The following TG variants were observed in gnomAD, a reference collection of about 807,000 sequenced individuals.
The protein encoded by TG is thyroglobulin.
TG carries 270 observed loss-of-function variants against 324.7 expected under a neutral mutation model. The ratio of observed to expected loss-of-function variants is 0.83; its 90% CI spans 0.75 to 0.92. The LOEUF is 0.92. Ranked by LOEUF, TG falls within the 40% of genes least tolerant of loss-of-function variation. The pLI, the probability that TG is intolerant of heterozygous loss-of-function variation, is 0.00. For synonymous variants in TG, 1,401 were observed against 1,327.0 expected (o/e 1.06, Z -1.21); for missense variants, 3,591 against 3,456.4 (o/e 1.04, Z -0.98).
intron 43 of TG, chr8:133,102,571 G>A (rs1849405472): frequency 1.3e-6 from 2 of 1,551,470 alleles, no homozygotes; most frequent in Non-Finnish European, 1.7e-6. Context: ...CATCAGGGCT[G>A]CCTGAGATGT....
rs910570903 is a variant in TG, at chr8:133,014,468, A to G, written c.6562+704A>G. Among the ~76,000 whole-genome samples, 40 of 152,300 alleles carry G rather than the reference A, an allele frequency of 2.6e-4. No homozygotes were observed. The East Asian group carries it at 2.7e-3, about 10-fold the overall frequency. On this transcript the variant is annotated intron_variant, in intron 37 of 47. Transcript: ENST00000220616. ...GGGGGAATCCCCTCCCCCACTAGAC[A>G]TATTTATTGGATGAAATTGATGACT...
chr8:132,941,128 C>T (rs1455831243), intron 25 of TG, among the ~76,000 whole-genome samples: 1 of 152,182 alleles, frequency 6.6e-6, no homozygotes, highest in Non-Finnish European at 1.5e-5. Flanking sequence ...GGCATTTGTC[C>T]CGATCTCCTG....
intron 3 of TG, 22 bp downstream of exon 3, chr8:132,869,848 C>A: frequency 6.2e-7 from 1 of 1,607,354 alleles, no homozygotes; most frequent in South Asian, 1.1e-5. Flanking sequence ...TGGGGGACGT[C>A]CCTTGGAGGG....
intron 41 of TG, among the ~76,000 whole-genome samples, chr8:133,073,665 T>C (rs1587998533): frequency 1.3e-5 from 2 of 152,214 alleles, no homozygotes; most frequent in East Asian, 1.9e-4. Context: ...CAGCATCTCA[T>C]AGCAAACCAC....
At chr8:133,105,526 G>T (rs1163137504) in intron 43 of TG, among the ~76,000 whole-genome samples, 1 of 152,210 alleles carries the variant, frequency 6.6e-6, no homozygotes, top group Non-Finnish European at 1.5e-5. Flanking sequence ...GAAGGTTCTA[G>T]GGGTGAGGAA....
chr8:132,992,482 T>A (rs537331490), intron 35 of TG, among the ~76,000 whole-genome samples: 2 of 152,320 alleles, frequency 1.3e-5, no homozygotes, highest in Admixed American at 1.3e-4. Flanking sequence ...TTGCGATTAC[T>A]TTTGCACCCA....
At chr8:132,883,254 A>G (rs944147934) in intron 8 of TG, 11 of 516,306 alleles carry the variant, frequency 2.1e-5, no homozygotes, top group African/African-American at 1.9e-4. Context: ...AAAATAAAAG[A>G]GAATTGAGTT....
intron 27 of TG, among the ~76,000 whole-genome samples, chr8:132,959,737 C>A (rs914318261): frequency 6.6e-6 from 1 of 152,088 alleles, no homozygotes; most frequent in African/African-American, 2.4e-5. Flanking sequence ...ACTTTGATTC[C>A]TTTATCTGGA....
At chr8:133,007,906 C>T (rs879834181) in intron 35 of TG, among the ~76,000 whole-genome samples, 13 of 151,764 alleles carry the variant, frequency 8.6e-5, no homozygotes, top group Non-Finnish European at 1.2e-4. Context: ...GGGACCCATA[C>T]CCCACTAAAA....
rs1157062554 is a variant in TG, at chr8:132,948,948, G to A, written c.5401+5G>A. 5.6e-6 allele frequency: 9 copies of A among 1,612,732 alleles called. No homozygotes were observed. The highest frequency in any genetic ancestry group is 2.2e-5 in the East Asian group (1 of 44,866). ...GAGACCAGGAGTTCATCAAGAGTAA[G>A]TCTTTGCCATTTGTCCATATTCTTT... On this transcript the variant is annotated splice_donor_5th_base_variant and intron_variant, in intron 27 of 47. Transcript: ENST00000220616.
intron 25 of TG, among the ~76,000 whole-genome samples, chr8:132,940,550 A>G (rs1214517932): frequency 4.6e-5 from 7 of 152,254 alleles, no homozygotes; most frequent in African/African-American, 1.4e-4. Flanking sequence ...TTTTGAATTC[A>G]TAATAAAGAA....
At chr8:133,013,527 A>G (rs1587761741) in intron 36 of TG, 73 bp from the exon 37 acceptor site, 2 of 1,582,408 alleles carry the variant, frequency 1.3e-6, no homozygotes, top group Non-Finnish European at 8.7e-7. Flanking sequence ...GGTTGGATGG[A>G]TGACTGGAAG....
chr8:132,965,180 G>C (rs1023228386), intron 29 of TG, among the ~76,000 whole-genome samples: 2 of 152,018 alleles, frequency 1.3e-5, no homozygotes, highest in African/African-American at 4.8e-5. Context: ...TGAGGTCTCT[G>C]TCCTCTTGTG....
chr8:132,972,526 T>C, intron 33 of TG, 72 bp from the exon 34 acceptor site: 1 of 1,558,254 alleles, frequency 6.4e-7, no homozygotes, highest in Non-Finnish European at 8.8e-7. Flanking sequence ...AGAATTTTTC[T>C]CATTTATTAG....
intron 16 of TG, among the ~76,000 whole-genome samples, chr8:132,903,417 A>G (rs896735146): frequency 4.6e-5 from 7 of 152,154 alleles, no homozygotes; most frequent in African/African-American, 1.7e-4. Context: ...GTGCAGATGG[A>G]ATGGGCAGTG....
chr8:133,058,584 G>A (rs1359696010), intron 41 of TG, among the ~76,000 whole-genome samples: 2 of 152,178 alleles, frequency 1.3e-5, no homozygotes, highest in Non-Finnish European at 2.9e-5. Context: ...CTGGGCTCAG[G>A]GCCCTGCGGT....
At chr8:133,005,837 C>T (rs537236870) in intron 35 of TG, among the ~76,000 whole-genome samples, 3 of 152,250 alleles carry the variant, frequency 2.0e-5, no homozygotes, top group African/African-American at 7.2e-5. Flanking sequence ...TGGTCTCGCA[C>T]CACTAGGGAG....
intron 41 of TG, among the ~76,000 whole-genome samples, chr8:133,081,604 G>A (rs779691169): frequency 2.0e-4 from 31 of 152,062 alleles, no homozygotes; most frequent in Non-Finnish European, 4.0e-4. Flanking sequence ...AAAAGTAGCC[G>A]CTTTATGTCC....
chr8:132,931,998 G>A (rs1822788967), intron 23 of TG, among the ~76,000 whole-genome samples: 1 of 152,200 alleles, frequency 6.6e-6, no homozygotes, highest in Non-Finnish European at 1.5e-5. Flanking sequence ...AGAGGCTAAG[G>A]TGGGAAGATG....
Sources: gnomAD v4.1 joint callset for allele counts (sites outside exome capture counted in the v4.1 genomes callset) on GRCh38, gnomAD v4.1.1 for gene constraint, MANE v1.5 for transcripts, NCBI Gene and HGNC (gene_info 2026-07-23, HGNC 2026-07-21) for gene names.